Variants in PPP4R1 observed in about 807,000 individuals in gnomAD.
PPP4R1 encodes the protein serine/threonine-protein phosphatase 4 regulatory subunit 1.
In PPP4R1, 42 loss-of-function variants were observed where a neutral mutation model predicts 111.2. That is an observed-to-expected ratio of 0.38 (90% CI 0.29 to 0.49). The LOEUF (loss-of-function observed/expected upper bound fraction) is 0.49. Among genes scored for constraint, PPP4R1 ranks in the 20% least tolerant of loss-of-function variants. The pLI, the probability that PPP4R1 is intolerant of heterozygous loss-of-function variation, is 0.97. For missense variants in PPP4R1, 1,012 were observed against 1,161.6 expected (o/e 0.87, Z 1.87); for synonymous variants, 409 against 405.5 (o/e 1.01, Z -0.10).
intron 6 of PPP4R1, among the ~76,000 whole-genome samples, chr18:9,586,714 C>A (rs751731055): frequency 2.6e-5 from 4 of 152,076 alleles, no homozygotes; most frequent in Non-Finnish European, 5.9e-5. Context: ...AAAGACGCAA[C>A]CATATTATTT....
chr18:9,561,898 A>AG, intron 13 of PPP4R1, 82 bp downstream of exon 13: 1 of 1,119,094 alleles, frequency 8.9e-7, no homozygotes, highest in East Asian at 2.4e-5. Context: ...ATCATAAAGA[A>AG]GGGGCAAATT....
At chr18:9,600,458 C>T (rs1282019572) in intron 2 of PPP4R1, among the ~76,000 whole-genome samples, 1 of 151,682 alleles carries the variant, frequency 6.6e-6, no homozygotes, top group Admixed American at 6.6e-5. Context: ...ATTTAAAAGG[C>T]AAAGATTATC....
chr18:9,588,912 C>G, intron 4 of PPP4R1, 59 bp from the exon 5 acceptor site: 1 of 1,584,016 alleles, frequency 6.3e-7, no homozygotes, highest in Non-Finnish European at 8.6e-7. Context: ...AAACCTTTAT[C>G]TGTTCTTGAG....
At chr18:9,589,393 T>A (rs1036631744) in intron 4 of PPP4R1, among the ~76,000 whole-genome samples, 2 of 152,178 alleles carry the variant, frequency 1.3e-5, no homozygotes, top group African/African-American at 4.8e-5. Flanking sequence ...ATATGGCAAA[T>A]TTAAATGTGA....
chr18:9,551,772 C>T (rs555849803), intron 16 of PPP4R1: 10 of 152,218 alleles, frequency 6.6e-5, no homozygotes, highest in Non-Finnish European at 1.3e-4. Flanking sequence ...CTGCCCGAGA[C>T]CAAGCACAGA....
At chr18:9,556,154 C>T (rs567247514) in intron 15 of PPP4R1, among the ~76,000 whole-genome samples, 2 of 149,956 alleles carry the variant, frequency 1.3e-5, no homozygotes, top group South Asian at 2.1e-4. Flanking sequence ...AGCGAGACTC[C>T]GAATATGATC....
upstream of PPP4R1, among the ~76,000 whole-genome samples, chr18:9,616,539 A>G (rs62088913): frequency 0.093 from 14,127 of 152,190 alleles, 696 homozygotes; most frequent in African/African-American, 0.11. Context: ...CTCCCAAAGC[A>G]CCAGGATTAC....
rs996225849 is a variant in PPP4R1 at position 9,595,295 on chromosome 18, C to A, written c.53-142G>T. On this transcript the variant is annotated intron_variant, in intron 2 of 19. Transcript: ENST00000400556. ...ACTCTCAGAATCAATCCAGAAGCCA[C>A]AAATAACTAAAAGATACCTCCTCTC... is the stretch of plus-strand genomic sequence containing the variant. 8 of 849,124 alleles carry A rather than the reference C, an allele frequency of 9.4e-6. No individual in the cohort carries two copies. The African/African-American group carries it at 1.0e-4, about 11-fold the overall frequency. The allele number at this position is 849,124 out of a possible 1,614,324, so 52.6% of individuals were successfully genotyped here. A position where few individuals can be genotyped will look rare whatever the true frequency, so the allele number is the denominator to read the frequency against.
intron 11 of PPP4R1, among the ~76,000 whole-genome samples, chr18:9,569,213 G>C (rs970106059): frequency 6.9e-6 from 1 of 145,558 alleles, no homozygotes; most frequent in African/African-American, 2.5e-5. Flanking sequence ...AAAAAAAGAA[G>C]AAAACCGGAG....
intron 11 of PPP4R1, among the ~76,000 whole-genome samples, chr18:9,569,601 G>A (rs545034681): frequency 2.3e-4 from 35 of 152,300 alleles, no homozygotes; most frequent in African/African-American, 8.2e-4. Flanking sequence ...ATAAATTACA[G>A]TAAGGAATGC....
At chr18:9,569,363 C>T (rs550414660) in intron 11 of PPP4R1, among the ~76,000 whole-genome samples, 326 of 152,282 alleles carry the variant, frequency 2.1e-3, no homozygotes, top group African/African-American at 7.5e-3. Context: ...CTTTTCCTCC[C>T]CCACGCCCGA....
chr18:9,581,740 T>A (rs115648229), intron 9 of PPP4R1, among the ~76,000 whole-genome samples: 2,105 of 152,220 alleles, frequency 0.014, 29 homozygotes, highest in African/African-American at 0.034. Context: ...CAACTCCAAG[T>A]AGTATAAACT....
intron 19 of PPP4R1, 49 bp downstream of exon 19, chr18:9,549,148 A>G (rs371719158): frequency 1.9e-6 from 3 of 1,588,502 alleles, no homozygotes; most frequent in Non-Finnish European, 2.6e-6. Flanking sequence ...TGCAGTCCAC[A>G]GACCTCCTTC....
At chr18:9,563,623 T>G in intron 11 of PPP4R1, 73 bp from the exon 12 acceptor site, 1 of 1,335,940 alleles carries the variant, frequency 7.5e-7, no homozygotes, top group Non-Finnish European at 1.0e-6. Context: ...GTTCTCCATT[T>G]GCACTGTACG....
At chr18:9,590,562 T>TA (rs538370475) in intron 4 of PPP4R1, among the ~76,000 whole-genome samples, 205 of 152,082 alleles carry the variant, frequency 1.3e-3, no homozygotes, top group African/African-American at 4.8e-3. Context: ...CTTAGGCAAA[T>TA]AGACTAATGG....
chr18:9,588,061 A>C, intron 6 of PPP4R1, 28 bp downstream of exon 6: 2 of 1,613,074 alleles, frequency 1.2e-6, no homozygotes, highest in Non-Finnish European at 1.7e-6. Context: ...CACATTTTGC[A>C]TAAGTGGAAA....
chr18:9,559,345 C>A, intron 14 of PPP4R1, 74 bp downstream of exon 14: 1 of 1,342,410 alleles, frequency 7.4e-7, no homozygotes, highest in South Asian at 1.8e-5. Context: ...AACAGAAATT[C>A]TTTAGGTTAC....
chr18:9,583,069 A>C (rs2067056233), intron 9 of PPP4R1, 48 bp downstream of exon 9: 3 of 1,469,018 alleles, frequency 2.0e-6, no homozygotes, highest in Non-Finnish European at 2.8e-6. Context: ...TTTGCTTTAA[A>C]ACGGACACAA....
At chr18:9,550,567 G>T in intron 16 of PPP4R1, 169 bp from the exon 17 acceptor site, 1 of 718,038 alleles carries the variant, frequency 1.4e-6, no homozygotes, top group Non-Finnish European at 2.3e-6. Flanking sequence ...TCCAGTCTCT[G>T]TGTATCTGGA....
Sources: allele counts gnomAD v4.1 joint callset (sites outside exome capture counted in the v4.1 genomes callset), GRCh38; gene constraint gnomAD v4.1.1; transcripts MANE v1.5; gene names NCBI Gene and HGNC (gene_info 2026-07-23, HGNC 2026-07-21).